Variants in DISC1 observed in about 807,000 individuals in gnomAD.
The protein encoded by DISC1 is DISC1 scaffold protein.
Under a neutral mutation model 84.5 loss-of-function variants are expected in DISC1, and 57 were observed. The ratio of observed to expected loss-of-function variants is 0.67; its 90% CI spans 0.55 to 0.84. The LOEUF is 0.84. Ranked by LOEUF, DISC1 falls within the 40% of genes least tolerant of loss-of-function variation. DISC1 has a pLI of 0.00. For missense variants in DISC1, 1,000 were observed against 1,057.8 expected (o/e 0.95, Z 0.76); for synonymous variants, 411 against 415.2 (o/e 0.99, Z 0.12).
intron 1 of DISC1, among the ~76,000 whole-genome samples, chr1:231,660,860 TGTCAC>T (rs2061510369): frequency 6.6e-6 from 1 of 152,234 alleles, no homozygotes; most frequent in Non-Finnish European, 1.5e-5. Flanking sequence ...TGCTTCATAG[TGTCAC>T]TGGTCTGTGT....
At chr1:231,932,747 C>T (rs527418926) in intron 9 of DISC1, among the ~76,000 whole-genome samples, 4 of 152,254 alleles carry the variant, frequency 2.6e-5, no homozygotes, top group South Asian at 4.1e-4. Context: ...CTTCTAAGCT[C>T]AGTGGGTGAC....
At chr1:232,003,174 C>G (rs891919445) in intron 10 of DISC1, among the ~76,000 whole-genome samples, 5 of 151,910 alleles carry the variant, frequency 3.3e-5, no homozygotes, top group Middle Eastern at 3.2e-3. Context: ...GGGTTAAAAC[C>G]AGCAATCCAA....
chr1:232,010,907 A>G (rs747309444), intron 11 of DISC1, among the ~76,000 whole-genome samples: 3 of 152,120 alleles, frequency 2.0e-5, no homozygotes, highest in Non-Finnish European at 4.4e-5. Context: ...GGGTGTTATA[A>G]TCTACTTTAG....
intron 9 of DISC1, among the ~76,000 whole-genome samples, chr1:231,929,210 C>G (rs1173909311): frequency 6.6e-6 from 1 of 152,156 alleles, no homozygotes; most frequent in East Asian, 1.9e-4. Flanking sequence ...TTGTAGGTCT[C>G]TAAGAACTTG....
At chr1:231,849,381 A>G (rs2083706679) in intron 9 of DISC1, among the ~76,000 whole-genome samples, 1 of 152,078 alleles carries the variant, frequency 6.6e-6, no homozygotes, top group African/African-American at 2.4e-5. Context: ...CGGCCTCCCA[A>G]AGTGCTGGGA....
intron 1 of DISC1, among the ~76,000 whole-genome samples, chr1:231,632,072 C>T (rs574558606): frequency 4.6e-5 from 7 of 152,164 alleles, no homozygotes; most frequent in East Asian, 3.8e-4. Context: ...CATTGTGTTA[C>T]GGCTGCCTAC....
At chr1:231,891,031 C>T (rs1225790876) in intron 9 of DISC1, among the ~76,000 whole-genome samples, 11 of 152,080 alleles carry the variant, frequency 7.2e-5, no homozygotes, top group African/African-American at 1.2e-4. Context: ...GGGATAGACA[C>T]GCTCCCACTG....
chr1:231,708,013 A>G (rs967791009), intron 3 of DISC1, among the ~76,000 whole-genome samples: 1 of 152,208 alleles, frequency 6.6e-6, no homozygotes, highest in South Asian at 2.1e-4. Flanking sequence ...AGGTGGAACT[A>G]TTACCTTTTT....
At chr1:231,846,592 C>T (rs973422754) in intron 9 of DISC1, among the ~76,000 whole-genome samples, 26 of 152,192 alleles carry the variant, frequency 1.7e-4, no homozygotes, top group African/African-American at 6.3e-4. Context: ...GGCAGGTAGA[C>T]ACTCACGGTG....
chr1:231,933,550 C>G (rs538482835), intron 9 of DISC1, among the ~76,000 whole-genome samples: 2 of 152,254 alleles, frequency 1.3e-5, no homozygotes, highest in Admixed American at 1.3e-4. Context: ...GTGAGTAAAG[C>G]ATCTGCCATT....
chr1:231,943,267 T>A (rs2091449508), intron 9 of DISC1, among the ~76,000 whole-genome samples: 1 of 152,254 alleles, frequency 6.6e-6, no homozygotes, highest in Non-Finnish European at 1.5e-5. Flanking sequence ...TCCCAAGGGC[T>A]GGGACATGCC....
intron 9 of DISC1, among the ~76,000 whole-genome samples, chr1:231,931,491 A>C (rs575229069): frequency 6.6e-6 from 1 of 152,274 alleles, no homozygotes; most frequent in African/African-American, 2.4e-5. Flanking sequence ...AGGGTCAATA[A>C]ATATTTGTGG....
chr1:231,933,831 A>C (rs2090817654), intron 9 of DISC1, among the ~76,000 whole-genome samples: 1 of 152,146 alleles, frequency 6.6e-6, no homozygotes. Flanking sequence ...CATTGGTCAG[A>C]GTTCTGTCAT....
intron 9 of DISC1, among the ~76,000 whole-genome samples, chr1:231,883,346 G>GC (rs2086432690): frequency 6.6e-6 from 1 of 152,134 alleles, no homozygotes; most frequent in East Asian, 1.9e-4. Context: ...GCAACCCCTT[G>GC]CCGTCGGGAG....
chr1:231,742,800 C>T (rs909072435), intron 3 of DISC1, among the ~76,000 whole-genome samples: 1 of 152,040 alleles, frequency 6.6e-6, no homozygotes, highest in Non-Finnish European at 1.5e-5. Flanking sequence ...GTCCCAGCTA[C>T]TTGGGAGGCT....
At chr1:231,703,317 G>A (rs918750259) in intron 3 of DISC1, among the ~76,000 whole-genome samples, 1 of 152,130 alleles carries the variant, frequency 6.6e-6, no homozygotes, top group African/African-American at 2.4e-5. Flanking sequence ...GAGGCAAGTC[G>A]GAGGCAGGGG....
intron 10 of DISC1, among the ~76,000 whole-genome samples, chr1:232,006,789 A>G (rs1667505099): frequency 6.6e-6 from 1 of 152,194 alleles, no homozygotes; most frequent in Admixed American, 6.5e-5. Context: ...AAGACAATGG[A>G]GAAAATGTCT....
At chr1:231,983,223 T>C (rs886446114) in intron 10 of DISC1, among the ~76,000 whole-genome samples, 17 of 151,842 alleles carry the variant, frequency 1.1e-4, no homozygotes, top group African/African-American at 4.1e-4. Context: ...AAGCTGTTCA[T>C]AGGGAGTTGT....
intron 9 of DISC1, among the ~76,000 whole-genome samples, chr1:231,940,724 G>A (rs1471078688): frequency 1.3e-5 from 2 of 152,248 alleles, no homozygotes; most frequent in African/African-American, 4.8e-5. Flanking sequence ...GATGCTGCGT[G>A]TTATTGCACT....
Sources: gnomAD v4.1 joint callset for allele counts (sites outside exome capture counted in the v4.1 genomes callset) on GRCh38, gnomAD v4.1.1 for gene constraint, MANE v1.5 for transcripts, NCBI Gene and HGNC (gene_info 2026-07-23, HGNC 2026-07-21) for gene names.